Variants in CYREN observed in about 807,000 individuals in gnomAD.
CYREN encodes the protein cell cycle regulator of non-homologous end joining.
Under a neutral mutation model 9.7 loss-of-function variants are expected in CYREN, and 7 were observed. The observed-to-expected ratio is 0.72, with a 90% CI of 0.41 to 1.36. The LOEUF (loss-of-function observed/expected upper bound fraction) is 1.36, where lower values mean the gene tolerates loss of function less well. CYREN is among the 40% of genes most tolerant of loss of function. The probability of loss-of-function intolerance (pLI) is 0.01; values close to 1 mark genes in which losing one functional copy is unlikely to be tolerated. For missense variants in CYREN, 215 were observed against 198.1 expected (o/e 1.09, Z -0.51); for synonymous variants, 76 against 77.9 (o/e 0.98, Z 0.13).
downstream of CYREN, among the ~76,000 whole-genome samples, chr7:135,162,439 C>A (rs1829967053): frequency 6.6e-6 from 1 of 152,176 alleles, no homozygotes. Flanking sequence ...CATTTTCATA[C>A]TGCTATGAAG....
chr7:135,115,731 A>C (rs1467743990), intron 2 of CYREN: 1 of 812,570 alleles, frequency 1.2e-6, no homozygotes, highest in Non-Finnish European at 1.9e-6. Context: ...TGTCAGCTCC[A>C]TCACATTTGG....
intron 3 of CYREN, 160 bp from the exon 4 acceptor site, chr7:135,167,031 C>G (rs1830204969): frequency 1.0e-6 from 1 of 985,378 alleles, no homozygotes; most frequent in Non-Finnish European, 1.2e-6. Context: ...CTCTTCACCC[C>G]ACTCCTTCCC....
At chr7:135,115,654 C>CT (rs771017532) in intron 2 of CYREN, 1 of 1,397,234 alleles carries the variant, frequency 7.2e-7, no homozygotes, top group South Asian at 1.4e-5. Context: ...TTTAACACAT[C>CT]TTTTTTAAAA....
intron 2 of CYREN, chr7:135,129,058 A>G (rs991187422): frequency 6.2e-7 from 1 of 1,608,628 alleles, no homozygotes; most frequent in Non-Finnish European, 8.5e-7. Flanking sequence ...CAATGCCTCA[A>G]CTGCCCAGAA....
At chr7:135,172,285 T>C (rs1585387423), upstream of CYREN, among the ~76,000 whole-genome samples, 1 of 152,346 alleles carries the variant, frequency 6.6e-6, no homozygotes, top group East Asian at 1.9e-4. Flanking sequence ...GCACTCTTGT[T>C]CTGGTTTTGA....
chr7:135,117,440 A>T (rs535174317), intron 2 of CYREN, among the ~76,000 whole-genome samples: 1 of 152,240 alleles, frequency 6.6e-6, no homozygotes, highest in Non-Finnish European at 1.5e-5. Flanking sequence ...CTTACAGCAC[A>T]TTAACTAGTT....
At chr7:135,157,808 C>T (rs1490019604) in intron 2 of CYREN, among the ~76,000 whole-genome samples, 2 of 152,160 alleles carry the variant, frequency 1.3e-5, no homozygotes, top group African/African-American at 4.8e-5. Flanking sequence ...CTTCCCTGTC[C>T]CTTTCCTACC....
intron 2 of CYREN, among the ~76,000 whole-genome samples, chr7:135,159,497 C>T (rs553255343): frequency 4.1e-4 from 62 of 152,284 alleles, no homozygotes; most frequent in Admixed American, 1.4e-3. Context: ...GAATTTGTAT[C>T]GCCTTTAAGC....
At chr7:135,096,742 TGAAAGAAAGAAAGAAAGAAAGAAAGAAA>T (rs3038284) in intron 2 of CYREN, among the ~76,000 whole-genome samples, 1 of 101,068 alleles carries the variant, frequency 9.9e-6, no homozygotes, top group African/African-American at 3.8e-5. Context: ...AGAGAAAGAA[TGAAAGAAAGAAAGAAAGAAAGAAAGAAA>T]GAAAGAAAGA....
chr7:135,102,291 A>G (rs1339397874), intron 2 of CYREN, among the ~76,000 whole-genome samples: 1 of 152,208 alleles, frequency 6.6e-6, no homozygotes, highest in Non-Finnish European at 1.5e-5. Context: ...TACCATGGAA[A>G]TTATACTTAT....
In CYREN at chr7:135,166,653, T is replaced by TTCC. The variant is rs532367753; in HGVS notation, c.429_431dup (p.Glu145dup). ...CCCGGACGTATTTCAGCACATCCTC[T>TTCC]TCCTCCTCCTCCTCAGGGCTCCTGC... is the stretch of plus-strand genomic sequence containing the variant. On this transcript the variant is annotated inframe_insertion, in exon 4 of 4. Coordinates refer to ENST00000393114, the MANE Select transcript of CYREN (RefSeq NM_024033.4). 1.7e-3 allele frequency: 2,731 copies of TTCC among 1,606,542 alleles called. 6 individuals are homozygous for TTCC. Among genetic ancestry groups the TTCC allele is most frequent in the Non-Finnish European group, 2.0e-3 (2,364 of 1,179,482 alleles).
intron 2 of CYREN, among the ~76,000 whole-genome samples, chr7:135,155,094 T>C (rs1829757707): frequency 6.6e-6 from 1 of 152,238 alleles, no homozygotes; most frequent in Non-Finnish European, 1.5e-5. Flanking sequence ...AATGACCTTA[T>C]CTTTTTTCTT....
chr7:135,156,305 T>C (rs1829790561), intron 2 of CYREN, among the ~76,000 whole-genome samples: 1 of 152,204 alleles, frequency 6.6e-6, no homozygotes, highest in Non-Finnish European at 1.5e-5. Context: ...TTTCTAAACT[T>C]TCTAATCTCT....
exon 3 of CYREN, chr7:135,094,384 GC>G (rs761646507): frequency 8.8e-6 from 4 of 456,684 alleles, no homozygotes; most frequent in Non-Finnish European, 1.8e-5. Flanking sequence ...CTTGTCTGAG[GC>G]AGAAGCTGCT....
At chr7:135,111,973 C>T (rs1825705320) in intron 2 of CYREN, among the ~76,000 whole-genome samples, 1 of 152,068 alleles carries the variant, frequency 6.6e-6, no homozygotes, top group Admixed American at 6.5e-5. Context: ...TGTCCACTTC[C>T]GATCTCTTTC....
At chr7:135,147,915 T>A in intron 2 of CYREN, 1 of 455,960 alleles carries the variant, frequency 2.2e-6, no homozygotes, top group South Asian at 1.5e-5. Flanking sequence ...ATCAGTTGGT[T>A]TGCCGGCTAC....
At chr7:135,164,292 G>A, downstream of CYREN, 1 of 724,752 alleles carries the variant, frequency 1.4e-6, no homozygotes, top group Non-Finnish European at 2.2e-6. Flanking sequence ...GGTCCTTGGT[G>A]GAGGGCAGGG....
At chr7:135,134,055 G>T (rs1043232425) in intron 2 of CYREN, among the ~76,000 whole-genome samples, 4 of 152,072 alleles carry the variant, frequency 2.6e-5, no homozygotes, top group African/African-American at 4.8e-5. Flanking sequence ...ATTAATAATG[G>T]TTGCCAGGAA....
chr7:135,142,732 C>A (rs761525461), intron 2 of CYREN, among the ~76,000 whole-genome samples: 7 of 151,480 alleles, frequency 4.6e-5, no homozygotes, highest in Non-Finnish European at 1.0e-4. Context: ...GACATTAGCA[C>A]CAAAAAATAA....
Sources: allele counts gnomAD v4.1 joint callset (sites outside exome capture counted in the v4.1 genomes callset), GRCh38; gene constraint gnomAD v4.1.1; transcripts MANE v1.5; gene names NCBI Gene and HGNC (gene_info 2026-07-23, HGNC 2026-07-21).